BMP8B: variants seen among roughly 807,000 people sequenced by gnomAD.
The protein encoded by BMP8B is bone morphogenetic protein 8 (osteogenic protein 2).
In BMP8B, 17 loss-of-function variants were observed where a neutral mutation model predicts 30.3. The observed-to-expected ratio is 0.56, with a 90% CI of 0.38 to 0.84. The LOEUF is 0.84. BMP8B is among the 40% of genes least tolerant of loss of function. The pLI is 0.00. For missense variants in BMP8B, 253 were observed against 494.6 expected, an observed-to-expected ratio of 0.51 and a Z score of 4.63; for synonymous variants, 131 against 214.7, an observed-to-expected ratio of 0.61 and a Z score of 3.41.
chr1:39,771,451 C>T, intron 3 of BMP8B: 1 of 617,224 alleles, frequency 1.6e-6, no homozygotes, highest in Non-Finnish European at 2.5e-6. Flanking sequence ...GCTGGGGGCC[C>T]CCGAGTCAGT....
At chr1:39,779,394 C>T (rs1650462086) in intron 1 of BMP8B, among the ~76,000 whole-genome samples, 2 of 152,202 alleles carry the variant, frequency 1.3e-5, no homozygotes, top group Admixed American at 6.5e-5. Flanking sequence ...GGGCTGGGTG[C>T]ACCATGGGGG....
intron 1 of BMP8B, among the ~76,000 whole-genome samples, chr1:39,775,634 C>T (rs1172101439): frequency 6.6e-6 from 1 of 152,178 alleles, no homozygotes; most frequent in Non-Finnish European, 1.5e-5. Context: ...CCTGCAGGGG[C>T]CGGCCAGCCA....
rs771595623 is a variant in BMP8B at position 39,763,074 on chromosome 1, G to C, written c.1059+18C>G. The C allele has an allele frequency of 6.2e-6, 10 of 1,612,218 alleles. No homozygotes were observed. In the East Asian group the frequency reaches 2.2e-4, roughly 36 times the overall value. ...CCCCCCACCCCAGGGGGCTGGGCAG[G>C]ATGGGCATGGTACTGACCAGGGACT... On this transcript the variant is annotated intron_variant, in intron 6 of 6. Transcript: ENST00000372827.
chr1:39,782,025 G>A (rs944011728), intron 1 of BMP8B, among the ~76,000 whole-genome samples: 27 of 151,802 alleles, frequency 1.8e-4, no homozygotes, highest in Non-Finnish European at 2.5e-4. Flanking sequence ...GCGTGGTGGC[G>A]GGTGCCTGTA....
chr1:39,760,445 C>T lies in BMP8B; in HGVS notation c.1183G>A (p.Val395Met). The T allele has an allele frequency of 6.2e-7, 1 of 1,614,116 alleles. No individual in the cohort carries two copies. Among genetic ancestry groups the T allele is most frequent in the Non-Finnish European group, 8.5e-7 (1 of 1,180,022 alleles). Residue 395 changes from valine to methionine, a missense_variant, in exon 7 of 7, where the codon GTG (valine) becomes ATG (methionine). Physicochemically the swap from Val to Met is conservative, Grantham distance 21 (BLOSUM62 1). This residue lies in a region of BMP8B where 116 missense variants were observed against 142.3 expected (regional missense o/e 0.81). Transcript: ENST00000372827. The part of the protein sequence containing the change: ...NVILRKHRNM[V>M]VKACGCH The stretch of plus-strand genomic sequence containing the variant: ...CAGTGGCAGCCGCAGGCCTTGACCA[C>T]CATGTTGCGGTGCTTGCGCAGGATG...
intron 6 of BMP8B, chr1:39,762,368 A>G: frequency 1.9e-6 from 2 of 1,064,642 alleles, no homozygotes. Context: ...TCCTAAGGGG[A>G]AAACATAAGG....
At chr1:39,779,501 TAGAC>T (rs1214197948) in intron 1 of BMP8B, among the ~76,000 whole-genome samples, 2 of 152,164 alleles carry the variant, frequency 1.3e-5, no homozygotes, top group Non-Finnish European at 2.9e-5. Context: ...CTGCATCACA[TAGAC>T]AGAAAGCGAC....
rs371633750 is a variant in BMP8B at position 39,760,377 on chromosome 1, C to T, written c.*42G>A. ...GTTTCCTGCTTCTGAGGGGCCCGAT[C>T]CAGATGAGAAGGGTGGCTGCAGCTG... On this transcript the variant is annotated 3_prime_UTR_variant, in exon 7 of 7. Transcript: ENST00000372827. The T allele has an allele frequency of 1.9e-6, 3 of 1,610,344 alleles. No homozygotes were observed. Among genetic ancestry groups the T allele is most frequent in the Non-Finnish European group, 2.5e-6 (3 of 1,179,498 alleles).
At chr1:39,762,616 A>T in intron 6 of BMP8B, 6 of 1,549,442 alleles carry the variant, frequency 3.9e-6, no homozygotes, top group Non-Finnish European at 5.2e-6. Flanking sequence ...TGAGAGCCAC[A>T]CCATCTAGAA....
chr1:39,782,905 C>T (rs909847753), intron 1 of BMP8B, among the ~76,000 whole-genome samples: 1 of 152,102 alleles, frequency 6.6e-6, no homozygotes, highest in Non-Finnish European at 1.5e-5. Flanking sequence ...GCAATTCTCT[C>T]GCCTCAGCCG....
intron 3 of BMP8B, chr1:39,771,269 C>A (rs1471852589): frequency 4.0e-6 from 6 of 1,509,714 alleles, no homozygotes; most frequent in East Asian, 4.9e-5. Context: ...CGGCCCGGGT[C>A]GGAGGCCAGG....
chr1:39,762,015 C>T (rs184608570), intron 6 of BMP8B, among the ~76,000 whole-genome samples: 2 of 152,352 alleles, frequency 1.3e-5, no homozygotes, highest in East Asian at 3.9e-4. Context: ...GCCTCCCACA[C>T]ATGCAGCCAT....
At chr1:39,787,864 G>C (rs936728880) in intron 1 of BMP8B, among the ~76,000 whole-genome samples, 1 of 152,248 alleles carries the variant, frequency 6.6e-6, no homozygotes, top group Admixed American at 6.5e-5. Context: ...GGCAGCCCAG[G>C]TGGGCAAAGA....
At chr1:39,763,285 G>T in intron 5 of BMP8B, 83 bp from the exon 6 acceptor site, 1 of 1,352,436 alleles carries the variant, frequency 7.4e-7, no homozygotes, top group Non-Finnish European at 1.0e-6. Flanking sequence ...CAGCCCTGCA[G>T]GGCCGTCTCC....
chr1:39,786,131 A>G (rs1248233649), intron 1 of BMP8B, among the ~76,000 whole-genome samples: 1 of 152,228 alleles, frequency 6.6e-6, no homozygotes, highest in Non-Finnish European at 1.5e-5. Context: ...CAGGGCTGGC[A>G]AAACAGTCTC....
intron 6 of BMP8B, 131 bp downstream of exon 6, chr1:39,762,961 C>G: frequency 1.7e-6 from 2 of 1,173,638 alleles, no homozygotes; most frequent in Non-Finnish European, 2.5e-6. Flanking sequence ...AGCGACGTTA[C>G]TGACTGTGCA....
chr1:39,778,585 G>A (rs1306046302), intron 1 of BMP8B, among the ~76,000 whole-genome samples: 1 of 152,008 alleles, frequency 6.6e-6, no homozygotes, highest in African/African-American at 2.4e-5. Flanking sequence ...TCACTGGCTT[G>A]CTTCAAGGGC....
intron 1 of BMP8B, among the ~76,000 whole-genome samples, chr1:39,786,876 G>T (rs1305585580): frequency 6.6e-6 from 1 of 152,250 alleles, no homozygotes; most frequent in Non-Finnish European, 1.5e-5. Context: ...GGAAGCAGAG[G>T]CTTGGCCATG....
At chr1:39,781,122 C>T (rs1650607637) in intron 1 of BMP8B, among the ~76,000 whole-genome samples, 1 of 152,166 alleles carries the variant, frequency 6.6e-6, no homozygotes, top group East Asian at 1.9e-4. Flanking sequence ...CTTTTATTAG[C>T]CCCCAAGATA....
Sources: allele counts gnomAD v4.1 joint callset (sites outside exome capture counted in the v4.1 genomes callset), GRCh38; gene constraint gnomAD v4.1.1; regional missense constraint gnomAD v4.1.1; transcripts MANE v1.5; gene names NCBI Gene and HGNC (gene_info 2026-07-23, HGNC 2026-07-21).